The following TRIML2 variants were observed in gnomAD, a reference collection of about 807,000 sequenced individuals.
TRIML2 encodes the protein probable E3 ubiquitin-protein ligase TRIML2.
In TRIML2, 28 loss-of-function variants were observed where a neutral mutation model predicts 31.2. The observed-to-expected ratio is 0.90, with a 90% CI of 0.66 to 1.23. The LOEUF (loss-of-function observed/expected upper bound fraction) is 1.23. Ranked by LOEUF, TRIML2 falls within the 50% of genes most tolerant of loss-of-function variation. The probability of loss-of-function intolerance (pLI) is 0.00; values close to 1 mark genes in which losing one functional copy is unlikely to be tolerated. For synonymous variants in TRIML2, 187 were observed against 197.5 expected, an observed-to-expected ratio of 0.95 and a Z score of 0.45; for missense variants, 536 against 528.3, an observed-to-expected ratio of 1.01 and a Z score of -0.14.
chr4:188,091,806 A>G lies in TRIML2; in HGVS notation c.881T>C (p.Leu294Pro), dbSNP rs779691894. The change falls in exon 8 of 8, where the codon CTG (leucine) becomes CCG (proline). Residue 294 changes from leucine to proline, a missense_variant. By Grantham distance (98) the Leu-to-Pro change is moderately conservative. Coordinates refer to ENST00000682553, the MANE Select transcript of TRIML2 (RefSeq NM_173553.4). Reference sequence around the variant, plus strand: ...CCCTGAGGTGAAGCTCTCCGCAGCCAGCACCATGGCACTGAAATCCAATCT... The same window carrying G: ...CCCTGAGGTGAAGCTCTCCGCAGCCGGCACCATGGCACTGAAATCCAATCT... Reference protein sequence around the residue: ...PERLDFSAMVLAAESFTSGRH... With the variant: ...PERLDFSAMVPAAESFTSGRH... The G allele has an allele frequency of 1.6e-5, 26 of 1,614,052 alleles. No homozygotes were observed. The highest frequency in any genetic ancestry group is 2.2e-5 in the Non-Finnish European group (26 of 1,180,052).
intron 3 of TRIML2, among the ~76,000 whole-genome samples, chr4:188,103,108 G>A (rs1733874702): frequency 2.8e-5 from 4 of 141,838 alleles, no homozygotes. Flanking sequence ...CGCCTCCAAA[G>A]TTCATGCCAT....
intron 1 of TRIML2, among the ~76,000 whole-genome samples, chr4:188,107,562 A>G (rs1031055220): frequency 1.1e-4 from 16 of 152,188 alleles, no homozygotes; most frequent in African/African-American, 3.9e-4. Flanking sequence ...AAGTTGTACA[A>G]TTTTGCACTC....
At position 188,091,938 on chromosome 4, in the gene TRIML2, T is replaced by C; in HGVS notation, c.749A>G (p.His250Arg). 1.9e-6 allele frequency: 3 copies of C among 1,607,146 alleles called. No individual in the cohort carries two copies. The highest frequency in any genetic ancestry group is 1.3e-5 in the African/African-American group (1 of 75,026). ...LSSMFRVLQR[H>R]LTLDPETAHP... Reference sequence around the variant, plus strand: ...AGCTGTTTCAGGATCCAATGTTAAATGTCCTATCAGGAGAGAAAACCCTCG... The same window carrying C: ...AGCTGTTTCAGGATCCAATGTTAAACGTCCTATCAGGAGAGAAAACCCTCG... The change falls in exon 8 of 8, where the codon CAT (histidine) becomes CGT (arginine). Residue 250 changes from histidine to arginine, a missense_variant. His to Arg is a conservative substitution (Grantham distance 29). Coordinates refer to ENST00000682553, the MANE Select transcript of TRIML2 (RefSeq NM_173553.4).
chr4:188,099,568 A>C (rs1733680097), intron 4 of TRIML2, among the ~76,000 whole-genome samples: 1 of 150,862 alleles, frequency 6.6e-6, no homozygotes, highest in South Asian at 2.1e-4. Context: ...CAAATCAAAA[A>C]AAAAAACCAA....
rs1271720061 is a variant in TRIML2, at chr4:188,097,097, T to C, written c.709A>G (p.Ile237Val). 6.2e-7 allele frequency: 1 copy of C among 1,614,102 alleles called. No homozygotes were observed. Among genetic ancestry groups the C allele is most frequent in the Non-Finnish European group, 8.5e-7 (1 of 1,179,966 alleles). The change falls in exon 7 of 8, where the codon ATA becomes GTA. Residue 237 changes from isoleucine (I) to valine (V), a missense_variant. Coordinates refer to ENST00000682553, the MANE Select transcript of TRIML2 (RefSeq NM_173553.4). ...AHITDLSLCHIRGLSSMFRVL... is the reference protein window; with the variant it reads ...AHITDLSLCHVRGLSSMFRVL... ...CTGAACATGCTGCTGAGTCCTCTTA[T>C]GTGGCATAAACTCAGGTCTGTGATA...
In TRIML2 at chr4:188,105,241, T is replaced by C; in HGVS notation, c.128A>G (p.Gln43Arg). Residue 43 changes from glutamine (Q) to arginine (R), a missense_variant, in exon 2 of 8, where the codon CAG (glutamine) becomes CGG (arginine). By Grantham distance (43) the Gln-to-Arg change is conservative. Transcript: ENST00000682553. ...DQITLCSKCFQSQEHKHHMVC... is the reference protein window; with the variant it reads ...DQITLCSKCFRSQEHKHHMVC... ...CATGTGATGTTTGTGCTCCTGGGAC[T>C]GGAAGCATTTGCTGCAGAGTGTGAT... 2 of 1,612,348 alleles carry C rather than the reference T, an allele frequency of 1.2e-6. No individual in the cohort carries two copies. Among genetic ancestry groups the C allele is most frequent in the Non-Finnish European group, 1.7e-6 (2 of 1,178,464 alleles).
intron 1 of TRIML2, chr4:188,106,824 C>A (rs1266901308): frequency 8.1e-6 from 2 of 248,188 alleles, no homozygotes; most frequent in Non-Finnish European, 1.7e-5. Context: ...GGTGGCCAAG[C>A]GAGAAGACAG....
intron 4 of TRIML2, among the ~76,000 whole-genome samples, chr4:188,100,399 C>T (rs1226668571): frequency 3.3e-5 from 5 of 152,154 alleles, no homozygotes; most frequent in Non-Finnish European, 7.3e-5. Flanking sequence ...ACAGCTGGCT[C>T]AGATAGGAAC....
chr4:188,106,845 G>T, intron 1 of TRIML2: 1 of 256,234 alleles, frequency 3.9e-6, no homozygotes. Flanking sequence ...GCCGGGCTGA[G>T]CCGCGGGTGC....
In TRIML2 at chr4:188,101,111, T is replaced by C. The variant is rs1955454075; in HGVS notation, c.425A>G (p.Asn142Ser). The C allele has an allele frequency of 3.1e-6, 5 of 1,613,738 alleles. No homozygotes were observed. The highest frequency in any genetic ancestry group is 4.2e-6 in the Non-Finnish European group (5 of 1,179,894). Residue 142 changes from asparagine (N) to serine (S), a missense_variant, in exon 4 of 8, where the codon AAT becomes AGT. Asn to Ser is a conservative substitution (Grantham distance 46). Transcript: ENST00000682553. ...SDLNLRETLL[N>S]QAIKLATELE... ...CTCGGTGGCAAGCTTGATCGCTTGA[T>C]TCAGAAGGGTTTCTCTCAGGTTCAA...
chr4:188,091,554 T>C lies in TRIML2; in HGVS notation c.1133A>G (p.His378Arg). Residue 378 changes from histidine (H) to arginine (R), a missense_variant, in exon 8 of 8, where the codon CAC becomes CGC. His to Arg is a conservative substitution (Grantham distance 29). Coordinates refer to ENST00000682553, the MANE Select transcript of TRIML2 (RefSeq NM_173553.4). ...DTVGVFLDCE[H>R]GQISFYNVTE... ...CACATTGTAGAATGATATCTGCCCG[T>C]GTTCGCAGTCAAGGAAAACGCCAAC... 6.2e-7 allele frequency: 1 copy of C among 1,614,168 alleles called. No homozygotes were observed. Among genetic ancestry groups the C allele is most frequent in the Non-Finnish European group, 8.5e-7 (1 of 1,180,028 alleles).
intron 3 of TRIML2, among the ~76,000 whole-genome samples, chr4:188,102,846 T>C (rs549965921): frequency 5.3e-5 from 7 of 133,238 alleles, no homozygotes; most frequent in African/African-American, 2.0e-4. Context: ...CGAAACTTCA[T>C]CTCAAAAAAA....
intron 1 of TRIML2, chr4:188,106,482 G>A (rs1734046436): frequency 6.6e-6 from 1 of 150,800 alleles, no homozygotes; most frequent in East Asian, 1.9e-4. Context: ...CGGTCTGGCC[G>A]TGAGCGCCCT....
chr4:188,097,466 A>C (rs927987627), intron 5 of TRIML2, 120 bp from the exon 6 acceptor site: 2 of 893,780 alleles, frequency 2.2e-6, no homozygotes, highest in Non-Finnish European at 3.6e-6. Context: ...TCAACCTCAT[A>C]ATGCTAGTTA....
At chr4:188,099,402 A>G (rs1264487357) in intron 4 of TRIML2, among the ~76,000 whole-genome samples, 1 of 152,172 alleles carries the variant, frequency 6.6e-6, no homozygotes, top group Non-Finnish European at 1.5e-5. Context: ...AGTCTCCACT[A>G]GAAGTACAAA....
intron 4 of TRIML2, 50 bp downstream of exon 4, chr4:188,101,006 C>T: frequency 6.6e-7 from 1 of 1,515,356 alleles, no homozygotes; most frequent in Non-Finnish European, 8.9e-7. Flanking sequence ...ATGTTTAGCT[C>T]TTCTTTTTCT....
At chr4:188,094,177 G>C (rs993061153) in intron 7 of TRIML2, among the ~76,000 whole-genome samples, 1 of 151,910 alleles carries the variant, frequency 6.6e-6, no homozygotes, top group Non-Finnish European at 1.5e-5. Context: ...TCAGAATTTA[G>C]AGTGAAAAGA....
In TRIML2 at chr4:188,109,482, T is replaced by C. The variant is rs1210332850; in HGVS notation, c.-462A>G. ...TTGTAGAGACGGGGTTTCAGTATTT[T>C]TCCCAGGCTGGTCTTGAACTCCTGG... On this transcript the variant is annotated 5_prime_UTR_variant, in exon 1 of 8. Coordinates refer to ENST00000682553, the MANE Select transcript of TRIML2 (RefSeq NM_173553.4). The C allele has an allele frequency of 6.6e-6, 1 of 151,836 alleles. No individual in the cohort carries two copies. Among genetic ancestry groups the C allele is most frequent in the Admixed American group, 6.6e-5 (1 of 15,206 alleles). The allele number at this position is 151,836 out of a possible 1,614,324, so 9.4% of individuals were successfully genotyped here. A position where few individuals can be genotyped will look rare whatever the true frequency, so the allele number is the denominator to read the frequency against.
At chr4:188,102,003 G>A (rs977243656) in intron 3 of TRIML2, among the ~76,000 whole-genome samples, 4 of 150,552 alleles carry the variant, frequency 2.7e-5, no homozygotes, top group African/African-American at 7.3e-5. Flanking sequence ...GGTGGCGGGC[G>A]CCTGTAGTCC....
Sources: allele counts gnomAD v4.1 joint callset (sites outside exome capture counted in the v4.1 genomes callset), GRCh38; gene constraint gnomAD v4.1.1; transcripts MANE v1.5; gene names NCBI Gene and HGNC (gene_info 2026-07-23, HGNC 2026-07-21).